The following ZNF467 variants were observed in gnomAD, a reference collection of about 807,000 sequenced individuals.
ZNF467 encodes zinc finger protein 467, also known as zinc finger protein EZI.
In ZNF467, 51 loss-of-function variants were observed where a neutral mutation model predicts 47.8. The observed-to-expected ratio is 1.07, with a 90% confidence interval of 0.85 to 1.35. The LOEUF is 1.35. Among genes scored for constraint, ZNF467 ranks in the 40% most tolerant of loss-of-function variants. The pLI is 0.00. For missense variants in ZNF467, 992 were observed against 858.1 expected (o/e 1.16, Z -1.95); for synonymous variants, 416 against 372.9 (o/e 1.12, Z -1.33).
Position 149,769,580 on chromosome 7 carries a change from G to C in ZNF467, c.152-380C>G, listed in dbSNP as rs2117442447. On this transcript the variant is annotated intron_variant, in intron 3 of 4. Coordinates refer to ENST00000302017, the MANE Select transcript of ZNF467 (RefSeq NM_207336.3). This position sits in a 1 kb window ranked among gnomAD's most constrained non-coding sequence, Gnocchi z 5.3. ...CCCTGGTTCCAAGCAAATCACTGGGGAGAATCAGGATGTCAAAAGCCAGGC... is the reference window on the plus strand; with the variant it reads ...CCCTGGTTCCAAGCAAATCACTGGGCAGAATCAGGATGTCAAAAGCCAGGC... Among the ~76,000 whole-genome samples the C allele has an allele frequency of 6.6e-6, 1 of 152,340 alleles. No homozygotes were observed. Among genetic ancestry groups the C allele is most frequent in the South Asian group, 2.1e-4 (1 of 4,824 alleles).
chr7:149,764,761 C>G lies in ZNF467; in HGVS notation c.1741G>C (p.Ala581Pro), dbSNP rs747315328. The change falls in exon 5 of 5, where the codon GCC (alanine) becomes CCC (proline). Residue 581 changes from alanine to proline, a missense_variant. Physicochemically the swap from Ala to Pro is conservative, Grantham distance 27 (BLOSUM62 -1). Coordinates refer to ENST00000302017, the MANE Select transcript of ZNF467 (RefSeq NM_207336.3). ...AAPDAALAAP[A>P]WSAPPEVAPP... ...GCCACCTCGGGGGGAGCGGACCAGG[C>G]TGGGGCCGCAAGGGCGGCGTCCGGG... 8 of 1,530,648 alleles carry G rather than the reference C, an allele frequency of 5.2e-6. No homozygotes were observed. The highest frequency in any genetic ancestry group is 7.0e-6 in the Non-Finnish European group (8 of 1,138,486). 94.8% of individuals were successfully genotyped at this position (1,530,648 alleles called of 1,614,324 possible).
rs1799143950 is a variant in ZNF467, at chr7:149,765,277, C to T, written c.1225G>A (p.Gly409Arg). 3 of 1,460,088 alleles carry T rather than the reference C, an allele frequency of 2.1e-6. No individual in the cohort carries two copies. The highest frequency in any genetic ancestry group is 2.7e-5 in the Admixed American group (1 of 37,108). The allele number at this position is 1,460,088 out of a possible 1,614,324, so 90.4% of individuals were successfully genotyped here. Reference protein sequence around the residue: ...AAKPLASAPGGPGCGPGSDPV... With the variant: ...AAKPLASAPGRPGCGPGSDPV... ...TCGGATCCTGGGCCGCAGCCCGGTC[C>T]GCCAGGCGCGCTGGCCAGGGGCTTG... The change falls in exon 5 of 5, where the codon GGA (glycine) becomes AGA (arginine). Residue 409 changes from glycine to arginine, a missense_variant. By Grantham distance (125) the Gly-to-Arg change is moderately radical. Coordinates refer to ENST00000302017, the MANE Select transcript of ZNF467 (RefSeq NM_207336.3).
chr7:149,769,053 T>G lies in ZNF467; in HGVS notation c.262+37A>C. 6.6e-7 allele frequency: 1 copy of G among 1,506,052 alleles called. No homozygotes were observed. Among genetic ancestry groups the G allele is most frequent in the Non-Finnish European group, 8.9e-7 (1 of 1,122,142 alleles). 93.3% of individuals were successfully genotyped at this position (1,506,052 alleles called of 1,614,324 possible). On this transcript the variant is annotated intron_variant, in intron 4 of 4. Transcript: ENST00000302017. This position sits in a 1 kb window ranked among gnomAD's most constrained non-coding sequence, Gnocchi z 5.3. ...CTTGCTGGGCCCCGTTCCCTTGGCC[T>G]GAGCCCGTGGTGGGATGAAGTGATG...
chr7:149,770,411 T>G, intron 3 of ZNF467, 29 bp downstream of exon 3: 5 of 1,565,140 alleles, frequency 3.2e-6, no homozygotes, highest in Non-Finnish European at 4.4e-6. Flanking sequence ...GACTCCTCCC[T>G]GAGCCTTTCC....
In ZNF467 at chr7:149,765,548, G is replaced by A; in HGVS notation, c.954C>T (p.His318=). ...GGCCGGCCGTCTGGTGCACCCTTTG[G>A]TGCCGCACCAAGTGCTGCTTGTGCG... ...SFTHKQHLVR[H]QRVHQTAGPA... Residue 318 remains histidine, a synonymous_variant, in exon 5 of 5, where the codon CAC becomes CAT. Transcript: ENST00000302017. 6.3e-7 allele frequency: 1 copy of A among 1,582,526 alleles called. No individual in the cohort carries two copies. Among genetic ancestry groups the A allele is most frequent in the Non-Finnish European group, 8.6e-7 (1 of 1,164,328 alleles).
chr7:149,769,341 A>G lies in ZNF467; in HGVS notation c.152-141T>C. On this transcript the variant is annotated intron_variant, in intron 3 of 4. Coordinates refer to ENST00000302017, the MANE Select transcript of ZNF467 (RefSeq NM_207336.3). This position sits in a 1 kb window ranked among gnomAD's most constrained non-coding sequence, Gnocchi z 5.3. ...GTTCCTCCCACATCCTACCTGAATT[A>G]AGGGGCTGAGTTCCCAGCTTCCCTG... 1.4e-6 allele frequency: 1 copy of G among 735,766 alleles called. No individual in the cohort carries two copies. Among genetic ancestry groups the G allele is most frequent in the South Asian group, 1.9e-5 (1 of 52,162 alleles). 45.6% of individuals were successfully genotyped at this position (735,766 alleles called of 1,614,324 possible). A position where few individuals can be genotyped will look rare whatever the true frequency, so the allele number is the denominator to read the frequency against.
Position 149,772,619 on chromosome 7 carries a change from C to G in ZNF467, c.-43+489G>C, listed in dbSNP as rs190822417. The stretch of plus-strand genomic sequence containing the variant: ...CCTCCCGACGGGACCCTCAGCTCCA[C>G]CTCCCTGCCCCGCCGCCCTCCCAAG... On this transcript the variant is annotated intron_variant, in intron 1 of 4. Coordinates refer to ENST00000302017, the MANE Select transcript of ZNF467 (RefSeq NM_207336.3). 4.8e-3 allele frequency among the ~76,000 whole-genome samples: 713 copies of G among 150,004 alleles called. 8 individuals carry two copies. The highest frequency in any genetic ancestry group is 0.017 in the African/African-American group (675 of 40,610).
chr7:149,764,899 C>T lies in ZNF467; in HGVS notation c.1603G>A (p.Ala535Thr). The T allele has an allele frequency of 1.9e-6, 3 of 1,566,880 alleles. No individual in the cohort carries two copies. Among genetic ancestry groups the T allele is most frequent in the Non-Finnish European group, 1.7e-6 (2 of 1,159,548 alleles). Residue 535 changes from alanine (A) to threonine (T), a missense_variant, in exon 5 of 5, where the codon GCG (alanine) becomes ACG (threonine). By Grantham distance (58) the Ala-to-Thr change is moderately conservative. Transcript: ENST00000302017. ...AAGGGGCGGGAGCCTGTGTGGATCGCCTGGTGGCGGACTAGGTTGGTTTTG... is the reference window on the plus strand; with the variant it reads ...AAGGGGCGGGAGCCTGTGTGGATCGTCTGGTGGCGGACTAGGTTGGTTTTG... ...SSKTNLVRHQAIHTGSRPFSC... is the reference protein window; with the variant it reads ...SSKTNLVRHQTIHTGSRPFSC...
intron 3 of ZNF467, 114 bp downstream of exon 3, chr7:149,770,326 G>A (rs1172911627): frequency 6.4e-6 from 4 of 623,434 alleles, no homozygotes; most frequent in South Asian, 4.2e-5. Context: ...AAGGAAGGAA[G>A]GAAAGAAGGA....
Position 149,764,988 on chromosome 7 carries a change from T to G in ZNF467, c.1514A>C (p.His505Pro), listed in dbSNP as rs1313494352. ...GCGGCTGCCAGTGTGCACCGCCTGG[T>G]GGCGGCCCAGGTGCGACTTGCGGCT... ...RFSRKSHLGR[H>P]QAVHTGSRPH... is the part of the protein sequence containing the mutation. The change falls in exon 5 of 5, where the codon CAC becomes CCC. Residue 505 changes from histidine to proline, a missense_variant. Physicochemically the swap from His to Pro is moderately conservative, Grantham distance 77. Transcript: ENST00000302017. The G allele has an allele frequency of 6.3e-7, 1 of 1,591,500 alleles. No individual in the cohort carries two copies. Among genetic ancestry groups the G allele is most frequent in the Admixed American group, 1.7e-5 (1 of 59,176 alleles).
At chr7:149,771,489 T>G (rs1334620883) in intron 1 of ZNF467, among the ~76,000 whole-genome samples, 1 of 152,156 alleles carries the variant, frequency 6.6e-6, no homozygotes, top group Non-Finnish European at 1.5e-5. Context: ...CAGCTGTCAC[T>G]GCCCGAGCTG....
chr7:149,768,509 C>T (rs1422404108), intron 4 of ZNF467, among the ~76,000 whole-genome samples: 1 of 152,180 alleles, frequency 6.6e-6, no homozygotes, highest in African/African-American at 2.4e-5. Flanking sequence ...TTAACACAGC[C>T]TGTATGTAGT....
At position 149,765,643 on chromosome 7, in the gene ZNF467, A is replaced by T; in HGVS notation, c.859T>A (p.Leu287Met). 5 of 1,610,250 alleles carry T rather than the reference A, an allele frequency of 3.1e-6. No individual in the cohort carries two copies. The highest frequency in any genetic ancestry group is 1.3e-5 in the African/African-American group (1 of 74,842). The change falls in exon 5 of 5, where the codon TTG (leucine) becomes ATG (methionine). Residue 287 changes from leucine to methionine, a missense_variant. Physicochemically the swap from Leu to Met is conservative, Grantham distance 15 (BLOSUM62 2). Coordinates refer to ENST00000302017, the MANE Select transcript of ZNF467 (RefSeq NM_207336.3). Reference protein sequence around the residue: ...CEKRFRKKTHLIRHQRIHTGE... With the variant: ...CEKRFRKKTHMIRHQRIHTGE... ...GTATGGATGCGCTGGTGCCGAATCA[A>T]GTGCGTCTTCTTGCGAAAGCGCTTC... is the stretch of plus-strand genomic sequence containing the variant.
At position 149,765,757 on chromosome 7, in the gene ZNF467, A is replaced by G; in HGVS notation, c.745T>C (p.Cys249Arg). ...TGERPYPCAECGKRFSQKIHL... is the reference protein window; with the variant it reads ...TGERPYPCAERGKRFSQKIHL... ...ATCTTCTGGCTGAAGCGCTTGCCGC[A>G]CTCCGCGCACGGGTAGGGCCGCTCG... Residue 249 changes from cysteine to arginine, a missense_variant, in exon 5 of 5, where the codon TGC (cysteine) becomes CGC (arginine). Cys to Arg is a radical substitution (Grantham distance 180). Coordinates refer to ENST00000302017, the MANE Select transcript of ZNF467 (RefSeq NM_207336.3). 6.2e-7 allele frequency: 1 copy of G among 1,612,816 alleles called. No individual in the cohort carries two copies.
At chr7:149,770,073 C>G (rs530113755) in intron 3 of ZNF467, among the ~76,000 whole-genome samples, 135 of 151,914 alleles carry the variant, frequency 8.9e-4, no homozygotes, top group Non-Finnish European at 1.6e-3. Context: ...CACCCACCCC[C>G]ACCTGCAGCT....
In ZNF467 at chr7:149,765,298, G is replaced by T. The variant is rs763529325; in HGVS notation, c.1204C>A (p.Pro402Thr). ...GATVDAPAAK[P>T]LASAPGGPGC... The stretch of plus-strand genomic sequence containing the variant: ...GGTCCGCCAGGCGCGCTGGCCAGGG[G>T]CTTGGCGGCGGGGGCATCCACGGTG... Residue 402 changes from proline (P) to threonine (T), a missense_variant, in exon 5 of 5, where the codon CCC (proline) becomes ACC (threonine). Coordinates refer to ENST00000302017, the MANE Select transcript of ZNF467 (RefSeq NM_207336.3). 2.7e-6 allele frequency: 4 copies of T among 1,476,144 alleles called. No individual in the cohort carries two copies. Among genetic ancestry groups the T allele is most frequent in the Non-Finnish European group, 3.6e-6 (4 of 1,111,562 alleles). 91.4% of individuals were successfully genotyped at this position (1,476,144 alleles called of 1,614,324 possible). A position where few individuals can be genotyped will look rare whatever the true frequency, so the allele number is the denominator to read the frequency against.
In ZNF467 at chr7:149,765,768, G is replaced by C. The variant is rs747930957; in HGVS notation, c.734C>G (p.Pro245Arg). The C allele has an allele frequency of 2.5e-6, 4 of 1,612,084 alleles. No homozygotes were observed. The highest frequency in any genetic ancestry group is 3.3e-5 in the Admixed American group (2 of 59,846). Residue 245 changes from proline (P) to arginine (R), a missense_variant, in exon 5 of 5, where the codon CCG becomes CGG. Physicochemically the swap from Pro to Arg is moderately radical, Grantham distance 103. Coordinates refer to ENST00000302017, the MANE Select transcript of ZNF467 (RefSeq NM_207336.3). ...LRTHTGERPY[P>R]CAECGKRFSQ... The stretch of plus-strand genomic sequence containing the variant: ...GAAGCGCTTGCCGCACTCCGCGCAC[G>C]GGTAGGGCCGCTCGCCCGTGTGCGT...
chr7:149,769,068 A>G lies in ZNF467; in HGVS notation c.262+22T>C. 1 of 1,528,860 alleles carries G rather than the reference A, an allele frequency of 6.5e-7. No homozygotes were observed. Among genetic ancestry groups the G allele is most frequent in the Non-Finnish European group, 8.8e-7 (1 of 1,136,706 alleles). The allele number at this position is 1,528,860 out of a possible 1,614,324, so 94.7% of individuals were successfully genotyped here. ...TCCCTTGGCCTGAGCCCGTGGTGGG[A>G]TGAAGTGATGGGAAGACTCACCTGG... On this transcript the variant is annotated intron_variant, in intron 4 of 4. Coordinates refer to ENST00000302017, the MANE Select transcript of ZNF467 (RefSeq NM_207336.3). The surrounding 1 kb of genome is among the most constrained non-coding windows in gnomAD (Gnocchi z 5.3).
upstream of ZNF467, among the ~76,000 whole-genome samples, chr7:149,773,839 CGATCCACCCA>C (rs1351147365): frequency 6.6e-6 from 1 of 152,192 alleles, no homozygotes; most frequent in East Asian, 1.9e-4. Flanking sequence ...GATTCCACCC[CGATCCACCCA>C]GACCCGCAGC....
Sources: allele counts gnomAD v4.1 joint callset (sites outside exome capture counted in the v4.1 genomes callset), GRCh38; gene constraint gnomAD v4.1.1; non-coding constraint Gnocchi (gnomAD v3.1); transcripts MANE v1.5; gene names NCBI Gene and HGNC (gene_info 2026-07-23, HGNC 2026-07-21).